RSPO2: variants seen among roughly 807,000 people sequenced by gnomAD.
The protein encoded by RSPO2 is R-spondin 2.
A neutral mutation model predicts 30.9 loss-of-function variants in RSPO2; 14 were observed. The observed-to-expected ratio is 0.45, with a 90% CI of 0.30 to 0.71. The LOEUF (loss-of-function observed/expected upper bound fraction) is 0.71, where lower values mean the gene tolerates loss of function less well. RSPO2 is among the 30% of genes least tolerant of loss of function. The pLI, the probability that RSPO2 is intolerant of heterozygous loss-of-function variation, is 0.08. For synonymous variants in RSPO2, 107 were observed against 96.4 expected (o/e 1.11, Z -0.64); for missense variants, 264 against 301.9 (o/e 0.87, Z 0.93).
chr8:107,943,292 A>T (rs1329127520), intron 5 of RSPO2, among the ~76,000 whole-genome samples: 1 of 152,226 alleles, frequency 6.6e-6, no homozygotes, highest in Non-Finnish European at 1.5e-5. Context: ...TGTTCATTGC[A>T]TAATACTGAT....
chr8:108,021,149 G>A (rs929771985), intron 2 of RSPO2, among the ~76,000 whole-genome samples: 1 of 152,058 alleles, frequency 6.6e-6, no homozygotes, highest in Non-Finnish European at 1.5e-5. Flanking sequence ...CATTAATAAA[G>A]AGAAAAATCC....
chr8:108,080,528 T>G (rs1368685181), intron 2 of RSPO2, among the ~76,000 whole-genome samples: 1 of 152,166 alleles, frequency 6.6e-6, no homozygotes. Flanking sequence ...AGCTTTGAAA[T>G]AAATAGGTTC....
At chr8:107,923,760 C>T (rs983465745) in intron 5 of RSPO2, among the ~76,000 whole-genome samples, 1 of 118,216 alleles carries the variant, frequency 8.5e-6, no homozygotes, top group African/African-American at 2.6e-5. Flanking sequence ...AAGAGCATGT[C>T]CTTTGCAAGA....
intron 2 of RSPO2, among the ~76,000 whole-genome samples, chr8:108,041,561 G>C (rs1443945412): frequency 6.6e-6 from 1 of 152,112 alleles, no homozygotes; most frequent in Non-Finnish European, 1.5e-5. Context: ...AGAAGACAGT[G>C]GGTTATGCCA....
intron 5 of RSPO2, among the ~76,000 whole-genome samples, chr8:107,921,995 T>C (rs1428470449): frequency 6.6e-6 from 1 of 152,166 alleles, no homozygotes; most frequent in Non-Finnish European, 1.5e-5. Context: ...GCCAATGTCA[T>C]ACTGAATGGG....
At chr8:107,922,717 G>A (rs975823398) in intron 5 of RSPO2, among the ~76,000 whole-genome samples, 2 of 152,034 alleles carry the variant, frequency 1.3e-5, no homozygotes, top group African/African-American at 4.8e-5. Flanking sequence ...CTACGGGGCT[G>A]CAAACAACAT....
chr8:108,076,224 G>A (rs973764383), intron 2 of RSPO2, among the ~76,000 whole-genome samples: 1 of 152,206 alleles, frequency 6.6e-6, no homozygotes, highest in Non-Finnish European at 1.5e-5. Flanking sequence ...GTGCTTTCAA[G>A]GTGGTAGAAG....
chr8:108,037,235 G>C (rs1211113772), intron 2 of RSPO2, among the ~76,000 whole-genome samples: 1 of 152,218 alleles, frequency 6.6e-6, no homozygotes, highest in Non-Finnish European at 1.5e-5. Flanking sequence ...TGCTATTCTA[G>C]TGAAAACACA....
intron 5 of RSPO2, among the ~76,000 whole-genome samples, chr8:107,932,210 A>G (rs1002931953): frequency 6.6e-6 from 1 of 152,176 alleles, no homozygotes; most frequent in African/African-American, 2.4e-5. Context: ...AGGCAAAGAG[A>G]GGAAAGAGTA....
intron 3 of RSPO2, among the ~76,000 whole-genome samples, chr8:107,971,154 A>G (rs973101752): frequency 1.3e-5 from 2 of 152,238 alleles, no homozygotes; most frequent in South Asian, 2.1e-4. Context: ...TGGAAATATA[A>G]TAATAGAACG....
intron 2 of RSPO2, among the ~76,000 whole-genome samples, chr8:108,063,045 GCTATTTATGACAAA>G (rs1437127037): frequency 6.7e-6 from 1 of 150,082 alleles, no homozygotes. Context: ...AATAATAAGA[GCTATTTATGACAAA>G]CCCACAGCCA....
At chr8:107,984,356 G>T (rs911848729) in intron 3 of RSPO2, among the ~76,000 whole-genome samples, 1 of 152,150 alleles carries the variant, frequency 6.6e-6, no homozygotes, top group African/African-American at 2.4e-5. Flanking sequence ...TAAATAATAT[G>T]GTGGCCGGAG....
intron 3 of RSPO2, among the ~76,000 whole-genome samples, chr8:107,964,213 A>G (rs1813722942): frequency 6.6e-6 from 1 of 152,126 alleles, no homozygotes; most frequent in Admixed American, 6.5e-5. Flanking sequence ...CTACAAACCC[A>G]ATATTTTTTA....
chr8:108,059,779 A>G (rs907836142), intron 2 of RSPO2, among the ~76,000 whole-genome samples: 1 of 146,412 alleles, frequency 6.8e-6, no homozygotes, highest in African/African-American at 2.6e-5. Flanking sequence ...ACACATTCTC[A>G]TTCATAGGTG....
intron 5 of RSPO2, among the ~76,000 whole-genome samples, chr8:107,914,996 C>T (rs769189162): frequency 5.3e-5 from 8 of 152,026 alleles, no homozygotes; most frequent in Non-Finnish European, 7.4e-5. Context: ...ATCTTAAATT[C>T]GGGGTCACTG....
At chr8:108,065,673 A>C (rs1812643874) in intron 2 of RSPO2, among the ~76,000 whole-genome samples, 2 of 151,984 alleles carry the variant, frequency 1.3e-5, no homozygotes, top group Non-Finnish European at 2.9e-5. Flanking sequence ...AAAAAAAAAA[A>C]AAAACTTTAC....
intron 5 of RSPO2, among the ~76,000 whole-genome samples, chr8:107,930,384 G>T (rs757193093): frequency 6.6e-6 from 1 of 152,158 alleles, no homozygotes; most frequent in Non-Finnish European, 1.5e-5. Flanking sequence ...TTGCAATAAG[G>T]TTGAAGATAA....
chr8:107,996,799 G>C (rs1036302040), intron 2 of RSPO2: 3 of 346,460 alleles, frequency 8.7e-6, no homozygotes, highest in Admixed American at 3.7e-5. Context: ...AAAGATCTCA[G>C]AGTCAACAAA....
chr8:108,068,049 A>G (rs963863584), intron 2 of RSPO2, among the ~76,000 whole-genome samples: 2 of 152,162 alleles, frequency 1.3e-5, no homozygotes, highest in Non-Finnish European at 2.9e-5. Context: ...AGCCTGGGTG[A>G]CAGAGTGAGA....
Sources: gnomAD v4.1 joint callset for allele counts (sites outside exome capture counted in the v4.1 genomes callset) on GRCh38, gnomAD v4.1.1 for gene constraint, MANE v1.5 for transcripts, NCBI Gene and HGNC (gene_info 2026-07-23, HGNC 2026-07-21) for gene names.